PRDM11: variants seen among roughly 807,000 people sequenced by gnomAD.
The protein encoded by PRDM11 is PR domain-containing protein 11.
PRDM11 carries 20 observed loss-of-function variants against 97.8 expected under a neutral mutation model. The ratio of observed to expected loss-of-function variants is 0.20; its 90% CI spans 0.14 to 0.30. The LOEUF (loss-of-function observed/expected upper bound fraction) is 0.30, where lower values mean the gene tolerates loss of function less well. PRDM11 is among the 10% of genes least tolerant of loss of function. The pLI is 1.00. For synonymous variants in PRDM11, 599 were observed against 637.7 expected (o/e 0.94, Z 0.91); for missense variants, 1,139 against 1,555.2 (o/e 0.73, Z 4.50).
chr11:45,173,547 G>A (rs977737975), intron 1 of PRDM11, among the ~76,000 whole-genome samples: 3 of 151,546 alleles, frequency 2.0e-5, no homozygotes, highest in Non-Finnish European at 4.4e-5. Flanking sequence ...GCTTGAACCC[G>A]GGAGGCGGAG....
At chr11:45,096,049 T>G (rs1851883969) in intron 1 of PRDM11, 1 of 663,868 alleles carries the variant, frequency 1.5e-6, no homozygotes, top group African/African-American at 1.8e-5. Context: ...CCTTTCTGTC[T>G]AACATTACCA....
upstream of PRDM11, chr11:45,095,667 A>AC (rs1331393688): frequency 1.6e-6 from 1 of 616,998 alleles, no homozygotes; most frequent in Non-Finnish European, 2.9e-6. Flanking sequence ...TAGAACTGCA[A>AC]CCCCTGGGAC....
intron 1 of PRDM11, among the ~76,000 whole-genome samples, chr11:45,180,261 G>T (rs968129332): frequency 2.2e-4 from 33 of 152,234 alleles, no homozygotes; most frequent in Non-Finnish European, 1.8e-4. Flanking sequence ...GGAGTCCCTG[G>T]CATAACGCAG....
chr11:45,187,617 G>A (rs1590419736), intron 4 of PRDM11, among the ~76,000 whole-genome samples: 1 of 152,174 alleles, frequency 6.6e-6, no homozygotes, highest in Admixed American at 6.5e-5. Flanking sequence ...TCCCTCTGAG[G>A]TTTCTTCCTA....
At position 45,157,653 on chromosome 11, in the gene PRDM11, G is replaced by A. The variant is rs77390470; in HGVS notation, c.-7+10776G>A. Among the ~76,000 whole-genome samples the A allele has an allele frequency of 1.6e-3, 245 of 152,314 alleles. 7 individuals carry two copies. The East Asian group carries it at 0.04, about 25-fold the overall frequency. ...GTTGCTGATGCACAGGCCTCTCTTT[G>A]TCCCCTGAGTCGGTCCTGGCTGATG... On this transcript the variant is annotated intron_variant, in intron 1 of 7. Transcript: ENST00000683152.
intron 1 of PRDM11, among the ~76,000 whole-genome samples, chr11:45,134,016 C>T (rs1177218543): frequency 3.3e-5 from 5 of 152,164 alleles, no homozygotes; most frequent in Admixed American, 1.3e-4. Context: ...TGAAGCTCAC[C>T]TAAGACTACC....
chr11:45,115,245 G>A (rs190987713), intron 1 of PRDM11, among the ~76,000 whole-genome samples: 3 of 152,030 alleles, frequency 2.0e-5, no homozygotes, highest in Admixed American at 1.3e-4. Flanking sequence ...CTATGATAAG[G>A]TAAGGACTCA....
intron 1 of PRDM11, among the ~76,000 whole-genome samples, chr11:45,137,991 G>T (rs1218375380): frequency 2.6e-5 from 4 of 151,924 alleles, no homozygotes; most frequent in Non-Finnish European, 5.9e-5. Context: ...GTCATTCTTT[G>T]TTAAAGAAAG....
chr11:45,101,567 A>AAAGAAGAAGAAGAAGAAGAAGAAGAAG (rs1554963213), intron 1 of PRDM11, among the ~76,000 whole-genome samples: 12 of 96,860 alleles, frequency 1.2e-4, no homozygotes, highest in African/African-American at 4.4e-4. Flanking sequence ...AAAAAAAAAA[A>AAAGAAGAAGAAGAAGAAGAAGAAGAAG]AAGAAGAAGA....
chr11:45,164,640 T>A (rs1402488194), intron 1 of PRDM11, among the ~76,000 whole-genome samples: 3 of 152,178 alleles, frequency 2.0e-5, no homozygotes, highest in Non-Finnish European at 2.9e-5. Flanking sequence ...TATCATGATT[T>A]GGGGTAAATG....
intron 1 of PRDM11, among the ~76,000 whole-genome samples, chr11:45,114,934 C>T (rs1256779715): frequency 6.6e-6 from 1 of 151,870 alleles, no homozygotes; most frequent in Non-Finnish European, 1.5e-5. Context: ...ACCTGTTTCA[C>T]AAGAAATACA....
At chr11:45,106,064 CCTCCTGGG>C (rs892736163) in intron 1 of PRDM11, among the ~76,000 whole-genome samples, 1 of 152,180 alleles carries the variant, frequency 6.6e-6, no homozygotes, top group Non-Finnish European at 1.5e-5. Flanking sequence ...TCCAGTTCCT[CCTCCTGGG>C]CTCACCCACG....
intron 1 of PRDM11, among the ~76,000 whole-genome samples, chr11:45,101,223 C>G (rs1851969373): frequency 6.6e-6 from 1 of 152,142 alleles, no homozygotes; most frequent in Admixed American, 6.5e-5. Context: ...AGAGCAGAGA[C>G]TTGCCCAGTC....
intron 5 of PRDM11, chr11:45,213,396 G>A: frequency 6.7e-6 from 3 of 445,958 alleles, no homozygotes; most frequent in South Asian, 3.2e-5. Context: ...TCCAACCTTG[G>A]GGCTGCTGCA....
chr11:45,211,501 C>T (rs904171356), intron 5 of PRDM11, among the ~76,000 whole-genome samples: 1 of 151,586 alleles, frequency 6.6e-6, no homozygotes, highest in East Asian at 1.9e-4. Context: ...TCCCTGTGTC[C>T]GGCTGCAAGG....
At position 45,227,338 on chromosome 11, in the gene PRDM11, G is replaced by C; in HGVS notation, c.2713G>C (p.Val905Leu). The C allele has an allele frequency of 6.5e-7, 1 of 1,533,976 alleles. No individual in the cohort carries two copies. The highest frequency in any genetic ancestry group is 8.7e-7 in the Non-Finnish European group (1 of 1,146,730). ...CATCTTCCAGGGCGAGTACCTGCTG[G>C]TGTCCCAGGTGGATGACAAGATCGA... Reference protein sequence around the residue: ...AYIFQGEYLLVSQVDDKIEEA... With the variant: ...AYIFQGEYLLLSQVDDKIEEA... The change falls in exon 8 of 8, where the codon GTG becomes CTG. Residue 905 changes from valine (V) to leucine (L), a missense_variant. By Grantham distance (32) the Val-to-Leu change is conservative. Transcript: ENST00000683152. This position sits in a 1 kb window ranked among gnomAD's most constrained non-coding sequence, Gnocchi z 8.0.
At chr11:45,113,192 C>T (rs58344358) in intron 1 of PRDM11, among the ~76,000 whole-genome samples, 3,093 of 152,270 alleles carry the variant, frequency 0.02, 100 homozygotes, top group African/African-American at 0.07. Context: ...TTCCCAGCAC[C>T]ATTTATTGAA....
At chr11:45,178,041 C>T (rs1293939266) in intron 1 of PRDM11, among the ~76,000 whole-genome samples, 2 of 152,138 alleles carry the variant, frequency 1.3e-5, no homozygotes, top group Non-Finnish European at 2.9e-5. Context: ...ATACTTTGCC[C>T]ACAGGGGGTG....
At chr11:45,208,710 G>T (rs1182909689) in intron 5 of PRDM11, among the ~76,000 whole-genome samples, 2 of 152,076 alleles carry the variant, frequency 1.3e-5, no homozygotes, top group South Asian at 2.1e-4. Context: ...CCTCCCCTCC[G>T]AGGAGTAGTG....
Sources: allele counts gnomAD v4.1 joint callset (sites outside exome capture counted in the v4.1 genomes callset), GRCh38; gene constraint gnomAD v4.1.1; non-coding constraint Gnocchi (gnomAD v3.1); transcripts MANE v1.5; gene names NCBI Gene and HGNC (gene_info 2026-07-23, HGNC 2026-07-21).